The following HSD17B8 variants were observed in gnomAD, a reference collection of about 807,000 sequenced individuals.
HSD17B8 encodes the protein hydroxysteroid 17-beta dehydrogenase 8.
Under a neutral mutation model 33.2 loss-of-function variants are expected in HSD17B8, and 23 were observed. The ratio of observed to expected loss-of-function variants is 0.69; its 90% CI spans 0.50 to 0.98. HSD17B8 has a LOEUF of 0.98. Among genes scored for constraint, HSD17B8 ranks in the 50% least tolerant of loss-of-function variants. HSD17B8 has a pLI of 0.00. For missense variants in HSD17B8, 345 were observed against 347.5 expected (o/e 0.99, Z 0.06); for synonymous variants, 137 against 138.6 (o/e 0.99, Z 0.08).
In HSD17B8 at chr6:33,204,928, G is replaced by T; in HGVS notation, c.79G>T (p.Val27Phe). ...TGCGGGGAGCGGCATCGGCCGAGCG[G>T]TCAGTGTACGCCTGGCCGGAGAGGG... ...TGAGSGIGRAVSVRLAGEGAT... is the reference protein window; with the variant it reads ...TGAGSGIGRAFSVRLAGEGAT... Residue 27 changes from valine to phenylalanine, a missense_variant, in exon 2 of 9, where the codon GTC becomes TTC. Transcript: ENST00000374662. 6.8e-7 allele frequency: 1 copy of T among 1,466,504 alleles called. No individual in the cohort carries two copies. The highest frequency in any genetic ancestry group is 1.4e-5 in the African/African-American group (1 of 70,848). 90.8% of individuals were successfully genotyped at this position (1,466,504 alleles called of 1,614,324 possible).
In HSD17B8 at chr6:33,206,195, GGGGTCCCTGGGAA is replaced by G. The variant is rs755125326; in HGVS notation, c.694+23_694+35del. 14 of 1,611,312 alleles carry G rather than the reference GGGGTCCCTGGGAA, an allele frequency of 8.7e-6. No homozygotes were observed. The Middle Eastern group carries it at 4.9e-4, about 57-fold the overall frequency. Reference sequence around the variant, plus strand: ...CCTGAGGGTGAGCACTGAATGTAGTGGGGTCCCTGGGAAGGGGGCCTGAATGAAGAGATCCCCA... The same window carrying G: ...CCTGAGGGTGAGCACTGAATGTAGTGGGGGGCCTGAATGAAGAGATCCCCA... On this transcript the variant is annotated intron_variant, in intron 7 of 8. Coordinates refer to ENST00000374662, the MANE Select transcript of HSD17B8 (RefSeq NM_014234.5). This position sits in a 1 kb window ranked among gnomAD's most constrained non-coding sequence, Gnocchi z 6.2.
Position 33,205,003 on chromosome 6 carries a change from G to T in HSD17B8, c.154G>T (p.Val52Leu). Residue 52 changes from valine (V) to leucine (L), a missense_variant, in exon 2 of 9, where the codon GTG (valine) becomes TTG (leucine). Transcript: ENST00000374662. The surrounding 1 kb of genome is among the most constrained non-coding windows in gnomAD (Gnocchi z 5.0). ...DLDRAAAQET[V>L]RLLGGPGSKE... Reference sequence around the variant, plus strand: ...GGACCGGGCAGCGGCACAGGAGACGGTGCGGCTGCTGGGCGGGCCAGGGAG... The same window carrying T: ...GGACCGGGCAGCGGCACAGGAGACGTTGCGGCTGCTGGGCGGGCCAGGGAG... 6.7e-7 allele frequency: 1 copy of T among 1,502,860 alleles called. No individual in the cohort carries two copies. Among genetic ancestry groups the T allele is most frequent in the Non-Finnish European group, 8.8e-7 (1 of 1,131,870 alleles). The allele number at this position is 1,502,860 out of a possible 1,614,324, so 93.1% of individuals were successfully genotyped here.
Position 33,205,171 on chromosome 6 carries a change from C to G in HSD17B8, c.271-50C>G. The stretch of plus-strand genomic sequence containing the variant: ...TAAAGCTCTGATATTGCCTCCACTG[C>G]CCCGGCTTTTTGTGGGGGGTTTTTG... On this transcript the variant is annotated intron_variant, in intron 2 of 8. Transcript: ENST00000374662. The surrounding 1 kb of genome is among the most constrained non-coding windows in gnomAD (Gnocchi z 5.0). The G allele has an allele frequency of 6.2e-7, 1 of 1,607,066 alleles. No homozygotes were observed. The highest frequency in any genetic ancestry group is 8.5e-7 in the Non-Finnish European group (1 of 1,175,738).
rs1774978550 is a variant in HSD17B8 at position 33,205,621 on chromosome 6, A to G, written c.481-19A>G. On this transcript the variant is annotated intron_variant, in intron 4 of 8. Transcript: ENST00000374662. The surrounding 1 kb of genome is among the most constrained non-coding windows in gnomAD (Gnocchi z 5.0). Reference sequence around the variant, plus strand: ...CCTTGAGACTCCTGACTCATTCCACATCTCTGACTCACCTATAGGTGGGGA... The same window carrying G: ...CCTTGAGACTCCTGACTCATTCCACGTCTCTGACTCACCTATAGGTGGGGA... 13 of 1,612,698 alleles carry G rather than the reference A, an allele frequency of 8.1e-6. No homozygotes were observed. The highest frequency in any genetic ancestry group is 1.0e-5 in the Non-Finnish European group (12 of 1,179,676).
Position 33,205,765 on chromosome 6 carries a change from G to A in HSD17B8, c.566+40G>A. ...TGAGGGTGCTGGGGAGCACCTGGGGGGTCTGAGGGAGGTACCAGCATTCAG... is the reference window on the plus strand; with the variant it reads ...TGAGGGTGCTGGGGAGCACCTGGGGAGTCTGAGGGAGGTACCAGCATTCAG... On this transcript the variant is annotated intron_variant, in intron 5 of 8. Transcript: ENST00000374662. This position sits in a 1 kb window ranked among gnomAD's most constrained non-coding sequence, Gnocchi z 5.0. The A allele has an allele frequency of 6.2e-7, 1 of 1,610,924 alleles. No homozygotes were observed.
At position 33,204,716 on chromosome 6, in the gene HSD17B8, C is replaced by A; in HGVS notation, c.48C>A (p.Val16=). 1 of 1,612,438 alleles carries A rather than the reference C, an allele frequency of 6.2e-7. No individual in the cohort carries two copies. Among genetic ancestry groups the A allele is most frequent in the Non-Finnish European group, 8.5e-7 (1 of 1,179,938 alleles). Residue 16 remains valine (V), a synonymous_variant, in exon 1 of 9, where the codon GTC becomes GTA. Coordinates refer to ENST00000374662, the MANE Select transcript of HSD17B8 (RefSeq NM_014234.5). The part of the protein sequence containing the change: ...QNRLRSALAL[V]TGAGSGIGRA... ...GACTCCGCTCCGCACTGGCCTTGGT[C>A]ACAGGTTGAGGGGGTTCTTTCCCCG...
Position 33,206,318 on chromosome 6 carries a change from C to T in HSD17B8, c.695-57C>T. ...GGATGTCTTTGGTGGGAGATTATGG[C>T]TGTTTTGGGTCTATGGGAGTGAGCA... On this transcript the variant is annotated intron_variant, in intron 7 of 8. Transcript: ENST00000374662. This position sits in a 1 kb window ranked among gnomAD's most constrained non-coding sequence, Gnocchi z 6.2. 6.4e-7 allele frequency: 1 copy of T among 1,571,180 alleles called. No individual in the cohort carries two copies. Among genetic ancestry groups the T allele is most frequent in the Non-Finnish European group, 8.8e-7 (1 of 1,142,360 alleles).
Position 33,206,212 on chromosome 6 carries a change from G to T in HSD17B8, c.694+36G>T. The T allele has an allele frequency of 6.2e-7, 1 of 1,607,572 alleles. No homozygotes were observed. Among genetic ancestry groups the T allele is most frequent in the Non-Finnish European group, 8.5e-7 (1 of 1,175,752 alleles). On this transcript the variant is annotated intron_variant, in intron 7 of 8. Transcript: ENST00000374662. This position sits in a 1 kb window ranked among gnomAD's most constrained non-coding sequence, Gnocchi z 6.2. ...AATGTAGTGGGGTCCCTGGGAAGGG[G>T]GCCTGAATGAAGAGATCCCCAAAGT... is the stretch of plus-strand genomic sequence containing the variant.
Position 33,205,954 on chromosome 6 carries a change from A to C in HSD17B8, c.651+42A>C, listed in dbSNP as rs1487976016. 3.4e-6 allele frequency: 5 copies of C among 1,491,142 alleles called. No individual in the cohort carries two copies. The African/African-American group carries it at 5.7e-5, about 17-fold the overall frequency. The allele number at this position is 1,491,142 out of a possible 1,614,324, so 92.4% of individuals were successfully genotyped here. ...GGAGGGCAGAATCATTCAGAGACTC[A>C]ATCTCTCTGGGCTTCACAGAGAGAG... On this transcript the variant is annotated intron_variant, in intron 6 of 8. Transcript: ENST00000374662. The surrounding 1 kb of genome is among the most constrained non-coding windows in gnomAD (Gnocchi z 5.0).
rs959622244 is a variant in HSD17B8, at chr6:33,206,011, G to T, written c.651+99G>T. 1 of 1,407,080 alleles carries T rather than the reference G, an allele frequency of 7.1e-7. No homozygotes were observed. Among genetic ancestry groups the T allele is most frequent in the Admixed American group, 1.8e-5 (1 of 56,616 alleles). 87.2% of individuals were successfully genotyped at this position (1,407,080 alleles called of 1,614,324 possible). On this transcript the variant is annotated intron_variant, in intron 6 of 8. Coordinates refer to ENST00000374662, the MANE Select transcript of HSD17B8 (RefSeq NM_014234.5). This position sits in a 1 kb window ranked among gnomAD's most constrained non-coding sequence, Gnocchi z 6.2. Reference sequence around the variant, plus strand: ...AGAGAGAGAGAGAATACTGGGCACAGTTCCTGGCAAACATTAAATATTCAA... The same window carrying T: ...AGAGAGAGAGAGAATACTGGGCACATTTCCTGGCAAACATTAAATATTCAA...
intron 1 of HSD17B8, 43 bp from the exon 2 acceptor site, chr6:33,204,859 T>G: frequency 6.7e-7 from 1 of 1,494,606 alleles, no homozygotes; most frequent in Non-Finnish European, 8.9e-7. Flanking sequence ...ATCCCTGCCC[T>G]CTCCTCCCCG....
In HSD17B8 at chr6:33,205,408, C is replaced by A; in HGVS notation, c.388-39C>A. ...AGGGAGTTGGAGGAGGGCTGTCACCCCAGCTGATCTTTTCTCCCTTGTTAC... is the reference window on the plus strand; with the variant it reads ...AGGGAGTTGGAGGAGGGCTGTCACCACAGCTGATCTTTTCTCCCTTGTTAC... On this transcript the variant is annotated intron_variant, in intron 3 of 8. Transcript: ENST00000374662. The surrounding 1 kb of genome is among the most constrained non-coding windows in gnomAD (Gnocchi z 5.0). 1 of 1,608,694 alleles carries A rather than the reference C, an allele frequency of 6.2e-7. No individual in the cohort carries two copies. Among genetic ancestry groups the A allele is most frequent in the South Asian group, 1.1e-5 (1 of 91,004 alleles).
chr6:33,206,794 T>C lies in HSD17B8; in HGVS notation c.*140T>C. The C allele has an allele frequency of 1.1e-6, 1 of 896,296 alleles. No individual in the cohort carries two copies. The highest frequency in any genetic ancestry group is 1.8e-6 in the Non-Finnish European group (1 of 544,584). 55.5% of individuals were successfully genotyped at this position (896,296 alleles called of 1,614,324 possible). On this transcript the variant is annotated 3_prime_UTR_variant, in exon 9 of 9. Transcript: ENST00000374662. This position sits in a 1 kb window ranked among gnomAD's most constrained non-coding sequence, Gnocchi z 6.2. ...TGCTGAATATGGGAAGCAGGGGTGCTTGTGACCCTAATAAATTCCAAGTCC... is the reference window on the plus strand; with the variant it reads ...TGCTGAATATGGGAAGCAGGGGTGCCTGTGACCCTAATAAATTCCAAGTCC...
chr6:33,205,308 TG>T lies in HSD17B8; in HGVS notation c.361del (p.Asp121ThrfsTer4), dbSNP rs779300617. ...TCTGCTGCACATGTCTGAGGATGAC[TG>T]GGACAAAGTCATAGCTGTCAACCTC... ...EFLLHMSEDD[W>X]DKVIAVNLKG... On this transcript the variant is annotated frameshift_variant, in exon 3 of 9. Coordinates refer to ENST00000374662, the MANE Select transcript of HSD17B8 (RefSeq NM_014234.5). LOFTEE classifies it high-confidence loss of function. The surrounding 1 kb of genome is among the most constrained non-coding windows in gnomAD (Gnocchi z 5.0). 4.3e-6 allele frequency: 7 copies of T among 1,613,418 alleles called. No homozygotes were observed. In the Admixed American group the frequency reaches 1.2e-4, roughly 27 times the overall value.
At position 33,206,135 on chromosome 6, in the gene HSD17B8, T is replaced by G; in HGVS notation, c.653T>G (p.Ile218Ser). 1.2e-6 allele frequency: 2 copies of G among 1,612,702 alleles called. No homozygotes were observed. Among genetic ancestry groups the G allele is most frequent in the Non-Finnish European group, 1.7e-6 (2 of 1,179,794 alleles). The change falls in exon 7 of 9, where the codon ATT becomes AGT. Residue 218 changes from isoleucine to serine, a missense_variant and splice_region_variant. Physicochemically the swap from Ile to Ser is moderately radical, Grantham distance 142 (BLOSUM62 -2). Coordinates refer to ENST00000374662, the MANE Select transcript of HSD17B8 (RefSeq NM_014234.5). This position sits in a 1 kb window ranked among gnomAD's most constrained non-coding sequence, Gnocchi z 6.2. ...QKVPQKVVDK[I>S]TEMIPMGHLG... ...ACCCACATGAGTATTTCCTTACAGA[T>G]TACTGAAATGATCCCGATGGGACAC...
chr6:33,205,259 TGCGG>T lies in HSD17B8; in HGVS notation c.312_315del (p.Gly105SerfsTer19), dbSNP rs755465645. The T allele has an allele frequency of 1.1e-4, 172 of 1,613,382 alleles. 1 individual carries two copies. In the East Asian group the frequency reaches 3.7e-3, roughly 34 times the overall value. Reference sequence around the variant, plus strand: ...GCCCACCATCTGTCGTTGTGTCCTGTGCGGGCATCACCCAGGATGAGTTTCTGCT... The same window carrying T: ...GCCCACCATCTGTCGTTGTGTCCTGTGCATCACCCAGGATGAGTTTCTGCT... On this transcript the variant is annotated frameshift_variant, in exon 3 of 9. Transcript: ENST00000374662. LOFTEE classifies it high-confidence loss of function. This position sits in a 1 kb window ranked among gnomAD's most constrained non-coding sequence, Gnocchi z 5.0.
chr6:33,204,836 C>T (rs1311961626), intron 1 of HSD17B8, 66 bp from the exon 2 acceptor site: 2 of 1,522,326 alleles, frequency 1.3e-6, no homozygotes, highest in Non-Finnish European at 1.8e-6. Context: ...TACTTTCTGC[C>T]CTGTGACCTC....
In HSD17B8 at chr6:33,206,344, G is replaced by A; in HGVS notation, c.695-31G>A. 6.2e-7 allele frequency: 1 copy of A among 1,609,110 alleles called. No individual in the cohort carries two copies. The highest frequency in any genetic ancestry group is 8.5e-7 in the Non-Finnish European group (1 of 1,176,452). ...TGTTTTGGGTCTATGGGAGTGAGCA[G>A]AATTCTGCCCTCTCCCCACCATTCT... On this transcript the variant is annotated intron_variant, in intron 7 of 8. Coordinates refer to ENST00000374662, the MANE Select transcript of HSD17B8 (RefSeq NM_014234.5). The surrounding 1 kb of genome is among the most constrained non-coding windows in gnomAD (Gnocchi z 6.2).
rs746330387 is a variant in HSD17B8 at position 33,205,495 on chromosome 6, G to C, written c.436G>C (p.Gly146Arg). ...QAAAQALVSN[G>R]CRGSIINISS... The stretch of plus-strand genomic sequence containing the variant: ...TGCAGCACAAGCCCTGGTGTCCAAT[G>C]GTTGTCGTGGTTCCATCATCAACAT... Residue 146 changes from glycine (G) to arginine (R), a missense_variant, in exon 4 of 9, where the codon GGT (glycine) becomes CGT (arginine). Gly to Arg is a moderately radical substitution (Grantham distance 125). Coordinates refer to ENST00000374662, the MANE Select transcript of HSD17B8 (RefSeq NM_014234.5). This position sits in a 1 kb window ranked among gnomAD's most constrained non-coding sequence, Gnocchi z 5.0. 3 of 1,613,008 alleles carry C rather than the reference G, an allele frequency of 1.9e-6. No individual in the cohort carries two copies. Among genetic ancestry groups the C allele is most frequent in the Middle Eastern group, 1.6e-4 (1 of 6,084 alleles).
Sources: allele counts gnomAD v4.1 joint callset, GRCh38; gene constraint gnomAD v4.1.1; non-coding constraint Gnocchi (gnomAD v3.1); transcripts MANE v1.5; gene names NCBI Gene and HGNC (gene_info 2026-07-23, HGNC 2026-07-21).